EHMT1: variants seen among roughly 807,000 people sequenced by gnomAD.
EHMT1 encodes the protein euchromatic histone lysine methyltransferase 1.
A neutral mutation model predicts 147.2 loss-of-function variants in EHMT1; 15 were observed. The observed-to-expected ratio is 0.10, with a 90% CI of 0.07 to 0.16. The LOEUF is 0.16. EHMT1 is among the 10% of genes least tolerant of loss of function. The pLI is 1.00. For missense variants in EHMT1, 1,587 were observed against 1,772.4 expected, an observed-to-expected ratio of 0.90 and a Z score of 1.88; for synonymous variants, 795 against 709.6, an observed-to-expected ratio of 1.12 and a Z score of -1.91.
At chr9:137,699,197 G>A (rs1943637671) in intron 1 of EHMT1, among the ~76,000 whole-genome samples, 1 of 152,180 alleles carries the variant, frequency 6.6e-6, no homozygotes, top group Non-Finnish European at 1.5e-5. Flanking sequence ...TATACTGTAG[G>A]TATAATAGAA....
intron 10 of EHMT1, among the ~76,000 whole-genome samples, chr9:137,772,529 C>T (rs957357843): frequency 2.6e-5 from 4 of 152,240 alleles, no homozygotes; most frequent in African/African-American, 7.2e-5. Context: ...TCTGTATTTA[C>T]ACCAGCTCAG....
chr9:137,825,289 T>C (rs1227762796), intron 25 of EHMT1, among the ~76,000 whole-genome samples: 2 of 152,320 alleles, frequency 1.3e-5, no homozygotes, highest in Middle Eastern at 3.4e-3. Flanking sequence ...GAATTCTACA[T>C]GTGTGTGGGC....
At position 137,814,416 on chromosome 9, in the gene EHMT1, C is replaced by CGCCT; in HGVS notation, c.3181-14_3181-11dup. ...TGTGCCTGCACGTCTGACCCCCCGGCGCCTCTCTTCTCAGTACTGCGTGTG... is the reference window on the plus strand; with the variant it reads ...TGTGCCTGCACGTCTGACCCCCCGGCGCCTGCCTCTCTTCTCAGTACTGCGTGTG... On this transcript the variant is annotated splice_polypyrimidine_tract_variant and intron_variant, in intron 21 of 26. Coordinates refer to ENST00000460843, the MANE Select transcript of EHMT1 (RefSeq NM_024757.5). 1 of 1,611,696 alleles carries CGCCT rather than the reference C, an allele frequency of 6.2e-7. No individual in the cohort carries two copies.
intron 1 of EHMT1, among the ~76,000 whole-genome samples, chr9:137,706,555 C>T (rs971904755): frequency 3.9e-5 from 6 of 152,186 alleles, no homozygotes; most frequent in Admixed American, 1.3e-4. Context: ...GGCGTGATCT[C>T]GGCTCACTGC....
chr9:137,687,330 C>G (rs1442828839), intron 1 of EHMT1, among the ~76,000 whole-genome samples: 1 of 152,120 alleles, frequency 6.6e-6, no homozygotes, highest in African/African-American at 2.4e-5. Context: ...ATTTTAGGAT[C>G]AGCTTATCAT....
At chr9:137,675,621 G>A (rs1046202698) in intron 1 of EHMT1, among the ~76,000 whole-genome samples, 4 of 130,222 alleles carry the variant, frequency 3.1e-5, no homozygotes, top group South Asian at 5.1e-4. Flanking sequence ...CGGCCACCAC[G>A]CCCGGCTAAT....
At position 137,782,896 on chromosome 9, in the gene EHMT1, G is replaced by C. The variant is rs559599287; in HGVS notation, c.2382+499G>C. ...CTAATTTATTCTGAACCATCTGAACGCTGCCCGCTTGTCTCTGGGTTCAGA... is the reference window on the plus strand; with the variant it reads ...CTAATTTATTCTGAACCATCTGAACCCTGCCCGCTTGTCTCTGGGTTCAGA... On this transcript the variant is annotated intron_variant, in intron 15 of 26. Coordinates refer to ENST00000460843, the MANE Select transcript of EHMT1 (RefSeq NM_024757.5). This position sits in a 1 kb window ranked among gnomAD's most constrained non-coding sequence, Gnocchi z 5.7. Among the ~76,000 whole-genome samples, 1 of 151,986 alleles carries C rather than the reference G, an allele frequency of 6.6e-6. No homozygotes were observed. Among genetic ancestry groups the C allele is most frequent in the African/African-American group, 2.4e-5 (1 of 41,340 alleles).
At chr9:137,748,148 C>T (rs1948699381) in intron 6 of EHMT1, among the ~76,000 whole-genome samples, 1 of 152,020 alleles carries the variant, frequency 6.6e-6, no homozygotes, top group Non-Finnish European at 1.5e-5. Context: ...CATACTAATG[C>T]TCAGATGTTG....
intron 1 of EHMT1, among the ~76,000 whole-genome samples, chr9:137,677,173 G>T (rs1211382355): frequency 6.6e-6 from 1 of 151,564 alleles, no homozygotes; most frequent in African/African-American, 2.4e-5. Flanking sequence ...TCGCTCTGTC[G>T]CCCAGGCTGG....
intron 1 of EHMT1, among the ~76,000 whole-genome samples, chr9:137,622,626 A>G (rs1843002688): frequency 6.6e-6 from 1 of 152,184 alleles, no homozygotes; most frequent in Admixed American, 6.6e-5. Context: ...CCCAATCAGA[A>G]TGTATGTTCT....
intron 1 of EHMT1, among the ~76,000 whole-genome samples, chr9:137,699,421 C>T (rs1943656055): frequency 6.6e-6 from 1 of 152,086 alleles, no homozygotes; most frequent in Non-Finnish European, 1.5e-5. Context: ...ACCTGTAATC[C>T]CAGCACTTTG....
At chr9:137,636,893 ACT>A (rs1217972804) in intron 1 of EHMT1, among the ~76,000 whole-genome samples, 1 of 125,328 alleles carries the variant, frequency 8.0e-6, no homozygotes, top group African/African-American at 3.0e-5. Flanking sequence ...AGACAGTTTC[ACT>A]CTTTTTTTTT....
intron 1 of EHMT1, among the ~76,000 whole-genome samples, chr9:137,629,073 G>A (rs902455851): frequency 1.3e-4 from 20 of 151,848 alleles, no homozygotes; most frequent in Middle Eastern, 3.4e-3. Context: ...ACCAGGTAGG[G>A]AATAGTTATT....
intron 1 of EHMT1, among the ~76,000 whole-genome samples, chr9:137,630,434 G>A (rs749152349): frequency 1.3e-5 from 2 of 152,156 alleles, no homozygotes; most frequent in East Asian, 3.8e-4. Context: ...TCCTTTAACA[G>A]CTTCTTGTCC....
intron 14 of EHMT1, 73 bp downstream of exon 14, chr9:137,779,790 ACT>A: frequency 1.3e-6 from 2 of 1,528,474 alleles, no homozygotes; most frequent in Non-Finnish European, 1.8e-6. Context: ...AGCAGTTGTT[ACT>A]CCTTCCTCAG....
chr9:137,797,072 G>A (rs546336752), intron 16 of EHMT1, among the ~76,000 whole-genome samples: 5 of 152,240 alleles, frequency 3.3e-5, no homozygotes, highest in East Asian at 1.9e-4. Flanking sequence ...ATTGAGATCC[G>A]TGGGAATGAT....
chr9:137,701,346 C>T lies in EHMT1; in HGVS notation c.22-9621C>T, dbSNP rs183289356. ...TCACCTAGGCTGGAGTGCAATGATGCGATCTCAGCTCACTGCAACCTCTGT... is the reference window on the plus strand; with the variant it reads ...TCACCTAGGCTGGAGTGCAATGATGTGATCTCAGCTCACTGCAACCTCTGT... On this transcript the variant is annotated intron_variant, in intron 1 of 26. Coordinates refer to ENST00000460843, the MANE Select transcript of EHMT1 (RefSeq NM_024757.5). Among the ~76,000 whole-genome samples the T allele has an allele frequency of 3.0e-3, 447 of 150,868 alleles. 4 individuals are homozygous for T. Among genetic ancestry groups the T allele is most frequent in the African/African-American group, 0.01 (421 of 41,082 alleles).
chr9:137,768,690 C>A (rs1198823295), intron 10 of EHMT1, among the ~76,000 whole-genome samples: 2 of 150,102 alleles, frequency 1.3e-5, no homozygotes, highest in Admixed American at 1.3e-4. Flanking sequence ...GCTGGGACTA[C>A]AGGCGCCCGC....
chr9:137,708,938 C>G (rs940362639), intron 1 of EHMT1, among the ~76,000 whole-genome samples: 2 of 152,220 alleles, frequency 1.3e-5, no homozygotes, highest in Non-Finnish European at 2.9e-5. Context: ...CTGCCTGCCC[C>G]CTTCCTCTGA....
Sources: gnomAD v4.1 joint callset for allele counts (sites outside exome capture counted in the v4.1 genomes callset) on GRCh38, gnomAD v4.1.1 for gene constraint, Gnocchi (gnomAD v3.1) non-coding constraint, MANE v1.5 for transcripts, NCBI Gene and HGNC (gene_info 2026-07-23, HGNC 2026-07-21) for gene names.